ABI1: variants seen among roughly 807,000 people sequenced by gnomAD.
ABI1 encodes Abelson interactor 1.
In ABI1, 14 loss-of-function variants were observed where a neutral mutation model predicts 54.6. The ratio of observed to expected loss-of-function variants is 0.26; its 90% CI spans 0.17 to 0.40. ABI1 has a LOEUF of 0.40. ABI1 is among the 10% of genes least tolerant of loss of function. The probability of loss-of-function intolerance (pLI) is 1.00; values close to 1 mark genes in which losing one functional copy is unlikely to be tolerated. For missense variants in ABI1, 443 were observed against 598.3 expected, an observed-to-expected ratio of 0.74 and a Z score of 2.71; for synonymous variants, 194 against 209.3, an observed-to-expected ratio of 0.93 and a Z score of 0.63.
intron 2 of ABI1, among the ~76,000 whole-genome samples, chr10:26,797,192 T>C (rs552997745): frequency 1.3e-5 from 2 of 152,336 alleles, no homozygotes; most frequent in East Asian, 3.9e-4. Flanking sequence ...TGATAACAAG[T>C]AGATTCTAAA....
At chr10:26,832,540 C>T (rs777144971) in intron 1 of ABI1, among the ~76,000 whole-genome samples, 4 of 151,938 alleles carry the variant, frequency 2.6e-5, no homozygotes, top group Admixed American at 1.3e-4. Context: ...ACCGAGATCA[C>T]GTCACTGCAC....
At chr10:26,824,470 T>C (rs1208702135) in intron 1 of ABI1, among the ~76,000 whole-genome samples, 4 of 152,176 alleles carry the variant, frequency 2.6e-5, no homozygotes, top group South Asian at 4.1e-4. Flanking sequence ...AAACAACCCA[T>C]ATAACTATCA....
In ABI1 at chr10:26,755,723, G is replaced by A; in HGVS notation, c.1016C>T (p.Pro339Leu). Reference protein sequence around the residue: ...SQNSISIAPPPPPMPQLTPQI... With the variant: ...SQNSISIAPPLPPMPQLTPQI... ...TGGAGTCAACTGAGGCATAGGGGGA[G>A]GGGGTGGAGCAATAGAAACTGGTAG... Residue 339 changes from proline to leucine, a missense_variant, in exon 9 of 11, where the codon CCT becomes CTT. Physicochemically the swap from Pro to Leu is moderately conservative, Grantham distance 98. Transcript: ENST00000376140. 1.2e-6 allele frequency: 2 copies of A among 1,612,844 alleles called. No individual in the cohort carries two copies. Among genetic ancestry groups the A allele is most frequent in the Middle Eastern group, 1.7e-4 (1 of 6,052 alleles).
rs1203996795 is a variant in ABI1, at chr10:26,768,932, A to G, written c.639T>C (p.Tyr213=). ...PVKPPTVPND[Y]MTSPARLGSQ... is the part of the protein sequence containing the mutation. The stretch of plus-strand genomic sequence containing the variant: ...TTCCAAGCCTAGCAGGACTGGTCAT[A>G]TAGTCATTAGGAACTGTTGGGGGTT... The change falls in exon 6 of 11, where the codon TAT becomes TAC. Residue 213 remains tyrosine (Y), a synonymous_variant. Coordinates refer to ENST00000376140, the MANE Select transcript of ABI1 (RefSeq NM_001012750.3). 4 of 1,613,392 alleles carry G rather than the reference A, an allele frequency of 2.5e-6. No homozygotes were observed. The highest frequency in any genetic ancestry group is 3.4e-6 in the Non-Finnish European group (4 of 1,179,544).
At chr10:26,776,998 A>G (rs1460761254) in intron 3 of ABI1, 67 bp downstream of exon 3, 1 of 1,326,566 alleles carries the variant, frequency 7.5e-7, no homozygotes, top group Non-Finnish European at 1.0e-6. Flanking sequence ...CTTTATGACA[A>G]TATTTCCTAT....
At chr10:26,797,038 G>A (rs551696671) in intron 2 of ABI1, among the ~76,000 whole-genome samples, 1 of 152,284 alleles carries the variant, frequency 6.6e-6, no homozygotes, top group South Asian at 2.1e-4. Context: ...GACAAGCCAC[G>A]GACTAGTACA....
intron 1 of ABI1, among the ~76,000 whole-genome samples, chr10:26,843,709 CTTT>C (rs897633404): frequency 6.7e-6 from 1 of 149,896 alleles, no homozygotes; most frequent in African/African-American, 2.5e-5. Context: ...TCTTCTTCTT[CTTT>C]GTGGTAGTGG....
At chr10:26,829,075 A>C (rs1210805864) in intron 1 of ABI1, among the ~76,000 whole-genome samples, 1 of 150,658 alleles carries the variant, frequency 6.6e-6, no homozygotes, top group South Asian at 2.1e-4. Context: ...AAATACAAAA[A>C]ATTAGCCGGG....
At chr10:26,815,723 C>T (rs1360624637) in intron 2 of ABI1, among the ~76,000 whole-genome samples, 1 of 152,120 alleles carries the variant, frequency 6.6e-6, no homozygotes, top group African/African-American at 2.4e-5. Flanking sequence ...GCCTGGGCAA[C>T]ACAGCAAGAT....
intron 2 of ABI1, among the ~76,000 whole-genome samples, chr10:26,802,013 G>T (rs558126198): frequency 6.6e-6 from 1 of 152,206 alleles, no homozygotes; most frequent in Non-Finnish European, 1.5e-5. Flanking sequence ...ACAGGAAACA[G>T]GTCAGAAAGG....
chr10:26,803,656 G>A (rs1588925296), intron 2 of ABI1, among the ~76,000 whole-genome samples: 1 of 152,148 alleles, frequency 6.6e-6, no homozygotes, highest in Non-Finnish European at 1.5e-5. Context: ...ATTGATAATT[G>A]AAATTTTACA....
At chr10:26,823,115 TA>T in intron 2 of ABI1, 22 bp downstream of exon 2, 1 of 1,553,368 alleles carries the variant, frequency 6.4e-7, no homozygotes. Flanking sequence ...AAATTGAATT[TA>T]AAGCATTTTA....
rs1564476440 is a variant in ABI1 at position 26,771,095 on chromosome 10, C to T, written c.463-6G>A. The T allele has an allele frequency of 1.1e-5, 17 of 1,612,778 alleles. No individual in the cohort carries two copies. Among genetic ancestry groups the T allele is most frequent in the Non-Finnish European group, 1.4e-5 (17 of 1,179,402 alleles). ...CTTACCTTGGCTTTTAGCCACTTTA[C>T]GTTGGCAAAAAAAGGGGGGGAAAAA... On this transcript the variant is annotated splice_region_variant and splice_polypyrimidine_tract_variant and intron_variant, in intron 3 of 10. Transcript: ENST00000376140.
intron 3 of ABI1, among the ~76,000 whole-genome samples, chr10:26,773,475 C>A (rs931905194): frequency 6.6e-6 from 1 of 151,916 alleles, no homozygotes; most frequent in African/African-American, 2.4e-5. Flanking sequence ...GCCAAGATTA[C>A]AGGCATGAGC....
intron 9 of ABI1, among the ~76,000 whole-genome samples, chr10:26,755,330 C>T (rs1838166431): frequency 6.6e-6 from 1 of 152,104 alleles, no homozygotes; most frequent in Non-Finnish European, 1.5e-5. Flanking sequence ...ATTCTAGTAA[C>T]TGTTAGAAGC....
rs71403897 is a variant in ABI1 at position 26,857,320 on chromosome 10, C to CAA, written c.117+3425_117+3426dup. 7.5e-4 allele frequency among the ~76,000 whole-genome samples: 57 copies of CAA among 75,946 alleles called. 4 individuals carry two copies. The highest frequency in any genetic ancestry group is 2.0e-3 in the South Asian group (6 of 3,060). The allele number at this position is 75,946 out of a possible 152,430, so 49.8% of individuals were successfully genotyped here. On this transcript the variant is annotated intron_variant, in intron 1 of 10. Coordinates refer to ENST00000376140, the MANE Select transcript of ABI1 (RefSeq NM_001012750.3). ...CAGGCAATAGAGCGAGACTCCATCT[C>CAA]AAAAAAAAAAAAAAAAAAAAAAAAA...
At chr10:26,807,444 T>C (rs1246899468) in intron 2 of ABI1, among the ~76,000 whole-genome samples, 2 of 152,102 alleles carry the variant, frequency 1.3e-5, no homozygotes, top group Admixed American at 1.3e-4. Context: ...ATCACACCAC[T>C]GCATTCCAGC....
intron 1 of ABI1, among the ~76,000 whole-genome samples, chr10:26,855,970 CAAAA>C (rs11369827): frequency 0.14 from 11,318 of 80,438 alleles, 774 homozygotes; most frequent in East Asian, 0.46. Flanking sequence ...GACTCCATCT[CAAAA>C]AAAAAAAAAA....
chr10:26,774,146 T>C (rs1447596351), intron 3 of ABI1, among the ~76,000 whole-genome samples: 7 of 152,194 alleles, frequency 4.6e-5, no homozygotes, highest in Non-Finnish European at 1.0e-4. Context: ...CTTTACATCA[T>C]CTCTCAATTA....
Sources: gnomAD v4.1 joint callset for allele counts (sites outside exome capture counted in the v4.1 genomes callset) on GRCh38, gnomAD v4.1.1 for gene constraint, MANE v1.5 for transcripts, NCBI Gene and HGNC (gene_info 2026-07-23, HGNC 2026-07-21) for gene names.